The following LNP1 variants were observed in gnomAD, a reference collection of about 807,000 sequenced individuals.
LNP1 encodes leukemia NUP98 fusion partner 1.
Under a neutral mutation model 14.5 loss-of-function variants are expected in LNP1, and 12 were observed. The ratio of observed to expected loss-of-function variants is 0.83; its 90% CI spans 0.53 to 1.34. The LOEUF (loss-of-function observed/expected upper bound fraction) is 1.34. LNP1 is among the 40% of genes most tolerant of loss of function. The pLI is 0.00. For missense variants in LNP1, 198 were observed against 210.9 expected (o/e 0.94, Z 0.38); for synonymous variants, 75 against 71.4 (o/e 1.05, Z -0.26).
At chr3:100,445,394 C>T (rs1707378109) in intron 2 of LNP1, among the ~76,000 whole-genome samples, 1 of 152,134 alleles carries the variant, frequency 6.6e-6, no homozygotes, top group African/African-American at 2.4e-5. Context: ...AATTTCTGGC[C>T]CTGGGTCTCA....
At chr3:100,409,606 ATTT>A (rs201827312) in intron 1 of LNP1, among the ~76,000 whole-genome samples, 9,537 of 124,322 alleles carry the variant, frequency 0.077, 427 homozygotes, top group East Asian at 0.18. Context: ...ATATATATAT[ATTT>A]TTTTTTTTTT....
chr3:100,446,496 C>G (rs1340110177), intron 2 of LNP1, among the ~76,000 whole-genome samples: 1 of 152,046 alleles, frequency 6.6e-6, no homozygotes, highest in Non-Finnish European at 1.5e-5. Context: ...CCATAAAAAC[C>G]CTAGAAGAAA....
intron 1 of LNP1, among the ~76,000 whole-genome samples, chr3:100,420,111 T>A (rs772239390): frequency 2.6e-5 from 4 of 152,228 alleles, no homozygotes; most frequent in Non-Finnish European, 5.9e-5. Context: ...TTAGTTTGTC[T>A]TTACCTAATG....
At chr3:100,447,829 G>C (rs1013474772) in intron 2 of LNP1, among the ~76,000 whole-genome samples, 5 of 151,642 alleles carry the variant, frequency 3.3e-5, no homozygotes, top group Non-Finnish European at 7.4e-5. Flanking sequence ...TTTTTACATC[G>C]CTCTTGTTTC....
At chr3:100,403,411 A>G (rs764421934) in intron 1 of LNP1, among the ~76,000 whole-genome samples, 3 of 151,866 alleles carry the variant, frequency 2.0e-5, no homozygotes, top group Non-Finnish European at 4.4e-5. Flanking sequence ...TTTGATCTGT[A>G]TCTTAGGAGG....
chr3:100,439,320 A>G (rs1485685181), intron 2 of LNP1, among the ~76,000 whole-genome samples: 1 of 151,808 alleles, frequency 6.6e-6, no homozygotes, highest in Non-Finnish European at 1.5e-5. Context: ...CACACCACAG[A>G]GAAAAACTTT....
At chr3:100,414,420 A>T (rs1707061432) in intron 1 of LNP1, among the ~76,000 whole-genome samples, 1 of 151,972 alleles carries the variant, frequency 6.6e-6, no homozygotes, top group Non-Finnish European at 1.5e-5. Flanking sequence ...GGTGGCAGGC[A>T]CCTGTAATCC....
rs971828053 is a variant in LNP1 at position 100,429,816 on chromosome 3, T to A, written c.87T>A (p.Asp29Glu). The A allele has an allele frequency of 6.2e-7, 1 of 1,613,300 alleles. No individual in the cohort carries two copies. Reference protein sequence around the residue: ...SFWGHSWREEDQRGLRERHRL... With the variant: ...SFWGHSWREEEQRGLRERHRL... ...GGGGCCACAGCTGGAGAGAGGAGGA[T>A]CAGAGAGGACTCCGGGAACGCCACC... The change falls in exon 2 of 4, where the codon GAT becomes GAA. Residue 29 changes from aspartate to glutamate, a missense_variant. Asp to Glu is a conservative substitution (Grantham distance 45). Transcript: ENST00000383693.
intron 1 of LNP1, among the ~76,000 whole-genome samples, chr3:100,403,202 G>T (rs1706929914): frequency 6.6e-6 from 1 of 152,202 alleles, no homozygotes; most frequent in South Asian, 2.1e-4. Context: ...TTTAATTAGA[G>T]AATATTTAAA....
At chr3:100,443,935 C>G (rs1707365996) in intron 2 of LNP1, among the ~76,000 whole-genome samples, 1 of 152,112 alleles carries the variant, frequency 6.6e-6, no homozygotes, top group Non-Finnish European at 1.5e-5. Context: ...GTTGTTAAAA[C>G]CTATTGTAAA....
intron 3 of LNP1, 150 bp from the exon 4 acceptor site, chr3:100,455,627 C>G (rs1287962572): frequency 1.4e-6 from 1 of 735,270 alleles, no homozygotes; most frequent in East Asian, 2.6e-5. Flanking sequence ...TTAGCAACAT[C>G]CTTAGGTTTA....
At chr3:100,402,673 G>T (rs953192106) in intron 1 of LNP1, among the ~76,000 whole-genome samples, 11 of 149,664 alleles carry the variant, frequency 7.3e-5, no homozygotes, top group Non-Finnish European at 1.6e-4. Flanking sequence ...TTTCAGTTTT[G>T]CTGTGGCCTC....
Position 100,451,833 on chromosome 3 carries a change from GA to G in LNP1, c.272del (p.Asp91ValfsTer53). 1.2e-6 allele frequency: 2 copies of G among 1,613,774 alleles called. No homozygotes were observed. Among genetic ancestry groups the G allele is most frequent in the South Asian group, 2.2e-5 (2 of 91,084 alleles). ...HVRDYRKYSE[D>X]GSFKEPLESK... ...ACGGGATTACAGAAAATACTCAGAGGATGGGTCATTCAAGGAGCCACTGGAA... is the reference window on the plus strand; with the variant it reads ...ACGGGATTACAGAAAATACTCAGAGGTGGGTCATTCAAGGAGCCACTGGAA... On this transcript the variant is annotated frameshift_variant, in exon 3 of 4. Coordinates refer to ENST00000383693, the MANE Select transcript of LNP1 (RefSeq NM_001085451.2). LOFTEE classifies it high-confidence loss of function.
Position 100,455,847 on chromosome 3 carries a change from T to C in LNP1, c.458T>C (p.Val153Ala), listed in dbSNP as rs548311816. The C allele has an allele frequency of 2.1e-4, 332 of 1,613,790 alleles. No individual in the cohort carries two copies. The highest frequency in any genetic ancestry group is 2.7e-4 in the Non-Finnish European group (322 of 1,179,848). ...ATGGAGATAAAATCCCGAAAGAAAGTAGAGGAAGAAAGGAGCTCTAGGAAA... is the reference window on the plus strand; with the variant it reads ...ATGGAGATAAAATCCCGAAAGAAAGCAGAGGAAGAAAGGAGCTCTAGGAAA... Reference protein sequence around the residue: ...LRMEIKSRKKVEEERSSRKEE... With the variant: ...LRMEIKSRKKAEEERSSRKEE... Residue 153 changes from valine to alanine, a missense_variant, in exon 4 of 4, where the codon GTA (valine) becomes GCA (alanine). By Grantham distance (64) the Val-to-Ala change is moderately conservative. Coordinates refer to ENST00000383693, the MANE Select transcript of LNP1 (RefSeq NM_001085451.2).
At chr3:100,419,205 C>T (rs946187927) in intron 1 of LNP1, among the ~76,000 whole-genome samples, 6 of 152,196 alleles carry the variant, frequency 3.9e-5, no homozygotes, top group Non-Finnish European at 4.4e-5. Flanking sequence ...ATGCTGTCAT[C>T]GTTGCTTTCT....
Sources: gnomAD v4.1 joint callset for allele counts (sites outside exome capture counted in the v4.1 genomes callset) on GRCh38, gnomAD v4.1.1 for gene constraint, MANE v1.5 for transcripts, NCBI Gene and HGNC (gene_info 2026-07-23, HGNC 2026-07-21) for gene names.